The following FIG4 variants were observed in gnomAD, a reference collection of about 807,000 sequenced individuals.
The protein encoded by FIG4 is FIG4 phosphoinositide 5-phosphatase, also known as polyphosphoinositide phosphatase.
A neutral mutation model predicts 118.6 loss-of-function variants in FIG4; 112 were observed. The observed-to-expected ratio is 0.94, with a 90% confidence interval of 0.81 to 1.11. The LOEUF (loss-of-function observed/expected upper bound fraction) is 1.11. Ranked by LOEUF, FIG4 falls within the 50% of genes least tolerant of loss-of-function variation. The probability of loss-of-function intolerance (pLI) is 0.00; values close to 1 mark genes in which losing one functional copy is unlikely to be tolerated. For missense variants in FIG4, 969 were observed against 1,111.7 expected (o/e 0.87, Z 1.83); for synonymous variants, 369 against 381.2 (o/e 0.97, Z 0.37).
chr6:109,825,205 GC>G lies in FIG4; in HGVS notation c.2668del (p.Leu890Ter), dbSNP rs1232422750. ...HIQASQGIMQ[P>X]LGKEDSSMYR... Reference sequence around the variant, plus strand: ...TCCAGGCCAGCCAAGGTATCATGCAGCCCCTAGGAAAAGAGGACTCCTCCAT... The same window carrying G: ...TCCAGGCCAGCCAAGGTATCATGCAGCCCTAGGAAAAGAGGACTCCTCCAT... On this transcript the variant is annotated frameshift_variant, in exon 23 of 23. Coordinates refer to ENST00000230124, the MANE Select transcript of FIG4 (RefSeq NM_014845.6). LOFTEE classifies it high-confidence loss of function. 3.1e-6 allele frequency: 5 copies of G among 1,613,944 alleles called. No homozygotes were observed. The African/African-American group carries it at 6.7e-5, about 22-fold the overall frequency.
At chr6:109,780,332 C>A (rs779912574) in intron 16 of FIG4, among the ~76,000 whole-genome samples, 2 of 152,144 alleles carry the variant, frequency 1.3e-5, no homozygotes, top group African/African-American at 4.8e-5. Flanking sequence ...TTCACCTTAG[C>A]CTTCCAAGTA....
intron 21 of FIG4, among the ~76,000 whole-genome samples, chr6:109,795,595 C>CCTT (rs1409807307): frequency 2.9e-5 from 2 of 69,528 alleles, no homozygotes; most frequent in Admixed American, 4.0e-4. Flanking sequence ...GGTTTCAGTC[C>CCTT]TTTTTTTTTT....
Position 109,765,072 on chromosome 6 carries a change from T to G in FIG4, c.1494T>G (p.Phe498Leu). 6.2e-7 allele frequency: 1 copy of G among 1,613,914 alleles called. No individual in the cohort carries two copies. Among genetic ancestry groups the G allele is most frequent in the Non-Finnish European group, 8.5e-7 (1 of 1,179,816 alleles). Reference protein sequence around the residue: ...DCLDRTNTAQFMVGKCALAYQ... With the variant: ...DCLDRTNTAQLMVGKCALAYQ... ...TAGATCGCACCAACACAGCACAGTT[T>G]ATGGTGGGAAAATGTGCTCTGGCCT... The change falls in exon 14 of 23, where the codon TTT (phenylalanine) becomes TTG (leucine). Residue 498 changes from phenylalanine to leucine, a missense_variant. Transcript: ENST00000230124.
intron 22 of FIG4, among the ~76,000 whole-genome samples, chr6:109,806,222 A>G (rs575345640): frequency 8.5e-5 from 13 of 152,306 alleles, no homozygotes; most frequent in Non-Finnish European, 1.8e-4. Context: ...TAGGTGATTT[A>G]ATTTAGTTTA....
At position 109,794,930 on chromosome 6, in the gene FIG4, C is replaced by T. The variant is rs184272039; in HGVS notation, c.2460-1835C>T. 5.8e-4 allele frequency among the ~76,000 whole-genome samples: 88 copies of T among 152,164 alleles called. 1 individual carries two copies. The highest frequency in any genetic ancestry group is 2.1e-3 in the African/African-American group (86 of 41,528). On this transcript the variant is annotated intron_variant, in intron 21 of 22. Coordinates refer to ENST00000230124, the MANE Select transcript of FIG4 (RefSeq NM_014845.6). ...TTTTTCCTACCTTAGGCCTTGCCCACCTTTGGACGCCTAAGGATTTCTCGG... is the reference window on the plus strand; with the variant it reads ...TTTTTCCTACCTTAGGCCTTGCCCATCTTTGGACGCCTAAGGATTTCTCGG...
At chr6:109,743,026 A>T in intron 8 of FIG4, 84 bp from the exon 9 acceptor site, 1 of 1,184,062 alleles carries the variant, frequency 8.4e-7, no homozygotes, top group Non-Finnish European at 1.2e-6. Context: ...CATTGAAAGA[A>T]TAGGAATTAT....
In FIG4 at chr6:109,691,337, C is replaced by T; in HGVS notation, c.-99C>T. The T allele has an allele frequency of 1.0e-6, 1 of 960,438 alleles. No homozygotes were observed. The highest frequency in any genetic ancestry group is 1.4e-5 in the South Asian group (1 of 72,260). 59.5% of individuals were successfully genotyped at this position (960,438 alleles called of 1,614,324 possible). A position where few individuals can be genotyped will look rare whatever the true frequency, so the allele number is the denominator to read the frequency against. On this transcript the variant is annotated 5_prime_UTR_variant, in exon 1 of 23. Coordinates refer to ENST00000230124, the MANE Select transcript of FIG4 (RefSeq NM_014845.6). ...AGTGCCTAATGGGTGTTGTTCCTGGCTGGACTTGATGTCCAGGGCCTGAGG... is the reference window on the plus strand; with the variant it reads ...AGTGCCTAATGGGTGTTGTTCCTGGTTGGACTTGATGTCCAGGGCCTGAGG...
chr6:109,691,342 C>A lies in FIG4; in HGVS notation c.-94C>A. 1 of 1,004,036 alleles carries A rather than the reference C, an allele frequency of 1.0e-6. No homozygotes were observed. The highest frequency in any genetic ancestry group is 1.4e-5 in the South Asian group (1 of 73,138). The allele number at this position is 1,004,036 out of a possible 1,614,324, so 62.2% of individuals were successfully genotyped here. ...CTAATGGGTGTTGTTCCTGGCTGGA[C>A]TTGATGTCCAGGGCCTGAGGGGTTT... is the stretch of plus-strand genomic sequence containing the variant. On this transcript the variant is annotated 5_prime_UTR_variant, in exon 1 of 23. Transcript: ENST00000230124.
At position 109,743,659 on chromosome 6, in the gene FIG4, C is replaced by CT. The variant is rs781540676; in HGVS notation, c.1040-10dup. 1 of 1,600,030 alleles carries CT rather than the reference C, an allele frequency of 6.2e-7. No individual in the cohort carries two copies. Among genetic ancestry groups the CT allele is most frequent in the East Asian group, 2.2e-5 (1 of 44,772 alleles). On this transcript the variant is annotated splice_polypyrimidine_tract_variant and intron_variant, in intron 9 of 22. Transcript: ENST00000230124. The stretch of plus-strand genomic sequence containing the variant: ...AATTTTCATTCAGGTGCTTTTTCAT[C>CT]TTTTTTCCTTCTCAGTGGATCAGGC...
intron 21 of FIG4, among the ~76,000 whole-genome samples, chr6:109,792,995 A>G (rs1778181697): frequency 6.6e-6 from 1 of 152,182 alleles, no homozygotes; most frequent in African/African-American, 2.4e-5. Flanking sequence ...CCAGCCTAAT[A>G]TAACTTTTAA....
chr6:109,801,897 CTG>C (rs1303192123), intron 22 of FIG4, among the ~76,000 whole-genome samples: 1 of 152,230 alleles, frequency 6.6e-6, no homozygotes, highest in African/African-American at 2.4e-5. Flanking sequence ...GCTGTGGTCT[CTG>C]TGCAGCAAGC....
At chr6:109,750,116 C>A (rs7758697) in intron 10 of FIG4, among the ~76,000 whole-genome samples, 24,848 of 152,086 alleles carry the variant, frequency 0.16, 3,703 homozygotes, top group African/African-American at 0.39. Context: ...GTTAATAAAG[C>A]GAAATGCTTT....
chr6:109,802,322 T>TA (rs1307209793), intron 22 of FIG4, among the ~76,000 whole-genome samples: 2 of 152,162 alleles, frequency 1.3e-5, no homozygotes, highest in Non-Finnish European at 2.9e-5. Context: ...TTTATAGCTC[T>TA]AAAAAAATAC....
intron 22 of FIG4, among the ~76,000 whole-genome samples, chr6:109,804,113 T>C (rs1200131236): frequency 1.3e-5 from 2 of 152,174 alleles, no homozygotes; most frequent in African/African-American, 4.8e-5. Flanking sequence ...CATAAGACAC[T>C]CTTACCTTTT....
intron 22 of FIG4, among the ~76,000 whole-genome samples, 176 bp from the exon 23 acceptor site, chr6:109,824,912 C>T (rs2128402624): frequency 6.6e-6 from 1 of 152,288 alleles, no homozygotes; most frequent in African/African-American, 2.4e-5. Flanking sequence ...CAGCTCTCTC[C>T]TCCAGGCAGA....
At chr6:109,706,235 G>T (rs1448890645) in intron 1 of FIG4, among the ~76,000 whole-genome samples, 1 of 152,188 alleles carries the variant, frequency 6.6e-6, no homozygotes, top group Non-Finnish European at 1.5e-5. Flanking sequence ...AAGTGCTTTG[G>T]GGAGAACAGG....
At chr6:109,716,150 A>C (rs1281642329) in intron 2 of FIG4, among the ~76,000 whole-genome samples, 1 of 152,138 alleles carries the variant, frequency 6.6e-6, no homozygotes, top group Non-Finnish European at 1.5e-5. Context: ...GTTTTAAGGG[A>C]TTCATGGACT....
intron 15 of FIG4, among the ~76,000 whole-genome samples, chr6:109,774,186 C>T (rs1358911791): frequency 2.0e-5 from 3 of 152,054 alleles, no homozygotes; most frequent in African/African-American, 7.2e-5. Context: ...TCATATGATC[C>T]CCACCTTCCA....
intron 10 of FIG4, among the ~76,000 whole-genome samples, chr6:109,745,490 TG>T (rs1776463607): frequency 6.6e-6 from 1 of 152,178 alleles, no homozygotes; most frequent in Non-Finnish European, 1.5e-5. Flanking sequence ...TTGATGGGGT[TG>T]TTTTTTTCTT....
Sources: allele counts gnomAD v4.1 joint callset (sites outside exome capture counted in the v4.1 genomes callset), GRCh38; gene constraint gnomAD v4.1.1; transcripts MANE v1.5; gene names NCBI Gene and HGNC (gene_info 2026-07-23, HGNC 2026-07-21).